Variants in SI observed in about 807,000 individuals in gnomAD.
The protein encoded by SI is sucrase-isomaltase.
Under a neutral mutation model 253.3 loss-of-function variants are expected in SI, and 235 were observed. The observed-to-expected ratio is 0.93, with a 90% CI of 0.83 to 1.03. The LOEUF is 1.03. Ranked by LOEUF, SI falls within the 50% of genes least tolerant of loss-of-function variation. The pLI, the probability that SI is intolerant of heterozygous loss-of-function variation, is 0.00. For missense variants in SI, 2,442 were observed against 2,211.1 expected (o/e 1.10, Z -2.09); for synonymous variants, 819 against 712.0 (o/e 1.15, Z -2.39).
At chr3:165,074,103 A>G (rs1714783394) in intron 3 of SI, among the ~76,000 whole-genome samples, 1 of 152,202 alleles carries the variant, frequency 6.6e-6, no homozygotes, top group East Asian at 1.9e-4. Flanking sequence ...TTGCTAAATT[A>G]AAAACAATTA....
chr3:165,000,008 A>C (rs920935942), intron 37 of SI, among the ~76,000 whole-genome samples: 1 of 151,268 alleles, frequency 6.6e-6, no homozygotes, highest in African/African-American at 2.4e-5. Flanking sequence ...CATTACATAT[A>C]TTTTTTTGAA....
At chr3:165,044,661 C>G (rs2108225156) in intron 16 of SI, among the ~76,000 whole-genome samples, 1 of 152,038 alleles carries the variant, frequency 6.6e-6, no homozygotes. Context: ...CATTTATAGA[C>G]TATGTGAATT....
intron 44 of SI, among the ~76,000 whole-genome samples, chr3:164,988,924 T>C (rs1717567599): frequency 1.3e-5 from 2 of 151,906 alleles, no homozygotes; most frequent in Admixed American, 6.6e-5. Flanking sequence ...CAATCAGTTA[T>C]AAAAATGGTG....
intron 13 of SI, among the ~76,000 whole-genome samples, chr3:165,051,978 C>A (rs1713455542): frequency 6.6e-6 from 1 of 151,722 alleles, no homozygotes; most frequent in Non-Finnish European, 1.5e-5. Flanking sequence ...TTTTTTGAAC[C>A]AAGAATATAA....
At chr3:165,060,443 A>T (rs1369499891) in intron 9 of SI, among the ~76,000 whole-genome samples, 2 of 152,028 alleles carry the variant, frequency 1.3e-5, no homozygotes, top group East Asian at 3.9e-4. Context: ...AAGATGTTTA[A>T]AAGTACAGAA....
upstream of SI, among the ~76,000 whole-genome samples, chr3:165,082,186 T>C (rs1020403799): frequency 3.9e-5 from 6 of 151,970 alleles, no homozygotes; most frequent in Admixed American, 2.6e-4. Context: ...TCTCAATTGA[T>C]ATCTTTACAT....
chr3:165,024,025 C>T (rs760787972), intron 25 of SI, among the ~76,000 whole-genome samples: 2 of 151,390 alleles, frequency 1.3e-5, no homozygotes, highest in Admixed American at 6.6e-5. Context: ...AAATGTCATA[C>T]ATTTTTTAAC....
At chr3:165,031,119 C>A (rs374174473) in intron 24 of SI, among the ~76,000 whole-genome samples, 5 of 149,156 alleles carry the variant, frequency 3.4e-5, no homozygotes, top group Non-Finnish European at 7.5e-5. Flanking sequence ...ATGTCACACA[C>A]ATAGAATTAT....
At chr3:165,030,025 T>G (rs1712150064) in intron 25 of SI, among the ~76,000 whole-genome samples, 1 of 150,124 alleles carries the variant, frequency 6.7e-6, no homozygotes, top group Non-Finnish European at 1.5e-5. Context: ...CAAATGTAAA[T>G]GTCTCTGGGA....
intron 45 of SI, among the ~76,000 whole-genome samples, chr3:164,986,681 C>T (rs183867765): frequency 1.4e-4 from 22 of 152,224 alleles, no homozygotes; most frequent in Admixed American, 1.0e-3. Flanking sequence ...CTCATGTTAA[C>T]GTGTGCTTTG....
At chr3:165,088,806 C>G in the SI span, among the ~76,000 whole-genome samples, 5 of 151,446 alleles carry the variant, frequency 3.3e-5, no homozygotes, top group Non-Finnish European at 7.4e-5. Context: ...CTGACTAAAT[C>G]ATTTAGAAAA....
chr3:165,054,734 T>C (rs1713608266), intron 13 of SI, among the ~76,000 whole-genome samples: 1 of 152,148 alleles, frequency 6.6e-6, no homozygotes, highest in South Asian at 2.1e-4. Context: ...CTTAACCTAT[T>C]GCCAATTTTT....
intron 35 of SI, 56 bp from the exon 36 acceptor site, chr3:165,008,054 C>T: frequency 1.1e-6 from 1 of 894,924 alleles, no homozygotes; most frequent in Admixed American, 1.8e-5. Context: ...AACATATATT[C>T]TCAAAAGAGC....
intron 37 of SI, among the ~76,000 whole-genome samples, chr3:165,000,000 T>C (rs1718186680): frequency 6.6e-6 from 1 of 151,372 alleles, no homozygotes; most frequent in Non-Finnish European, 1.5e-5. Flanking sequence ...TAAATATACA[T>C]TACATATATT....
chr3:165,000,205 T>C (rs962557043), intron 37 of SI, among the ~76,000 whole-genome samples: 3 of 151,414 alleles, frequency 2.0e-5, no homozygotes, highest in African/African-American at 7.3e-5. Context: ...AAGAAAATTA[T>C]GTTTCTGGAG....
chr3:164,991,912 A>G (rs186642434), intron 43 of SI, among the ~76,000 whole-genome samples: 57 of 152,244 alleles, frequency 3.7e-4, no homozygotes, highest in African/African-American at 1.3e-3. Context: ...ATCCAATAAA[A>G]GACAATTATC....
At chr3:165,037,776 TA>T in intron 21 of SI, 123 bp downstream of exon 21, 1 of 698,572 alleles carries the variant, frequency 1.4e-6, no homozygotes, top group Admixed American at 2.1e-5. Flanking sequence ...AGTTCAGTAT[TA>T]CCTCTGTATG....
chr3:165,017,712 T>G (rs1196545564), intron 30 of SI, 39 bp from the exon 31 acceptor site: 1 of 1,604,134 alleles, frequency 6.2e-7, no homozygotes, highest in Non-Finnish European at 8.5e-7. Context: ...GAGAATTACT[T>G]TATGCTATAA....
At chr3:165,042,044 A>G (rs1319578506) in intron 17 of SI, among the ~76,000 whole-genome samples, 1 of 152,044 alleles carries the variant, frequency 6.6e-6, no homozygotes, top group Non-Finnish European at 1.5e-5. Flanking sequence ...TTCAGACCTG[A>G]ACGGTGGTCT....
Sources: gnomAD v4.1 joint callset for allele counts (sites outside exome capture counted in the v4.1 genomes callset) on GRCh38, gnomAD v4.1.1 for gene constraint, MANE v1.5 for transcripts, NCBI Gene and HGNC (gene_info 2026-07-23, HGNC 2026-07-21) for gene names.